FHIT: variants seen among roughly 807,000 people sequenced by gnomAD.
FHIT encodes the protein fragile histidine triad diadenosine triphosphatase, also known as bis(5'-adenosyl)-triphosphatase.
In FHIT, 19 loss-of-function variants were observed where a neutral mutation model predicts 17.9. The observed-to-expected ratio is 1.06, with a 90% CI of 0.74 to 1.56. The LOEUF (loss-of-function observed/expected upper bound fraction) is 1.56. FHIT is among the 40% of genes most tolerant of loss of function. The probability of loss-of-function intolerance (pLI) is 0.00; values close to 1 mark genes in which losing one functional copy is unlikely to be tolerated. For synonymous variants in FHIT, 81 were observed against 69.7 expected (o/e 1.16, Z -0.81); for missense variants, 248 against 189.2 (o/e 1.31, Z -1.82).
intron 8 of FHIT, among the ~76,000 whole-genome samples, chr3:59,786,441 C>A (rs999195190): frequency 2.6e-5 from 4 of 152,170 alleles, no homozygotes; most frequent in African/African-American, 9.7e-5. Context: ...TGGATCATAA[C>A]AATTCCTTTT....
chr3:59,913,060 G>C (rs1704959156), intron 8 of FHIT, among the ~76,000 whole-genome samples: 1 of 152,214 alleles, frequency 6.6e-6, no homozygotes, highest in Non-Finnish European at 1.5e-5. Context: ...AAAGTACCTA[G>C]ATGGGGACTA....
chr3:61,139,985 GAT>G (rs2037030328), intron 2 of FHIT, among the ~76,000 whole-genome samples: 1 of 143,972 alleles, frequency 6.9e-6, no homozygotes. Flanking sequence ...CATCTATGAG[GAT>G]AACGACTTTT....
chr3:60,712,703 G>A (rs2041570891), intron 4 of FHIT, among the ~76,000 whole-genome samples: 1 of 150,436 alleles, frequency 6.6e-6, no homozygotes, highest in African/African-American at 2.4e-5. Context: ...ATGGTAAAGG[G>A]ATCAATTCAA....
intron 3 of FHIT, among the ~76,000 whole-genome samples, chr3:60,832,847 A>G (rs1044136285): frequency 4.6e-5 from 7 of 152,226 alleles, no homozygotes; most frequent in Non-Finnish European, 7.3e-5. Flanking sequence ...ATAAAAGTTA[A>G]TAAGAGATTT....
At chr3:61,190,021 T>C (rs542080953) in intron 2 of FHIT, among the ~76,000 whole-genome samples, 2 of 152,182 alleles carry the variant, frequency 1.3e-5, no homozygotes, top group African/African-American at 2.4e-5. Context: ...GACATAGGCA[T>C]GGGCAAGGAC....
intron 4 of FHIT, among the ~76,000 whole-genome samples, chr3:60,777,470 C>G (rs1553724761): frequency 6.6e-6 from 1 of 152,094 alleles, no homozygotes; most frequent in Non-Finnish European, 1.5e-5. Flanking sequence ...TTGTGGAGAC[C>G]AAATTTTATT....
At chr3:59,965,129 C>A (rs1295174348) in intron 7 of FHIT, among the ~76,000 whole-genome samples, 1 of 152,002 alleles carries the variant, frequency 6.6e-6, no homozygotes, top group African/African-American at 2.4e-5. Context: ...AGAGAGTTAG[C>A]AAAACAATGG....
intron 5 of FHIT, among the ~76,000 whole-genome samples, chr3:60,445,858 G>A (rs1416710362): frequency 6.6e-6 from 1 of 151,566 alleles, no homozygotes; most frequent in East Asian, 1.9e-4. Context: ...ATCTTCCTAT[G>A]CAGAGAGAAA....
In FHIT at chr3:60,158,829, C is replaced by T. The variant is rs541726517; in HGVS notation, c.104-144677G>A. On this transcript the variant is annotated intron_variant, in intron 5 of 9. Coordinates refer to ENST00000492590, the MANE Select transcript of FHIT (RefSeq NM_002012.4). ...ACCCTATGCAGAATGAATCTCCCTC[C>T]CTTCCTTAGACTCTCCCCCAAATCA... Among the ~76,000 whole-genome samples, 5 of 152,202 alleles carry T rather than the reference C, an allele frequency of 3.3e-5. No individual in the cohort carries two copies. In the East Asian group the frequency reaches 7.7e-4, roughly 24 times the overall value.
rs189972113 is a variant in FHIT at position 60,514,543 on chromosome 3, G to A, written c.103+22317C>T. Among the ~76,000 whole-genome samples, 37 of 152,292 alleles carry A rather than the reference G, an allele frequency of 2.4e-4. 1 individual carries two copies. In the East Asian group the frequency reaches 6.8e-3, roughly 28 times the overall value. ...AGGTTAAATAGCTAATGCATGCAGG[G>A]CTTAACACCAGGTGACGGGTTGGTA... On this transcript the variant is annotated intron_variant, in intron 5 of 9. Transcript: ENST00000492590.
intron 4 of FHIT, among the ~76,000 whole-genome samples, chr3:60,651,821 T>C (rs1553688339): frequency 1.4e-4 from 21 of 152,168 alleles, no homozygotes. Flanking sequence ...ATGTGGCATA[T>C]AAAAATCACA....
intron 5 of FHIT, among the ~76,000 whole-genome samples, chr3:60,271,647 T>A (rs766103998): frequency 6.6e-6 from 1 of 152,202 alleles, no homozygotes; most frequent in East Asian, 1.9e-4. Flanking sequence ...GTATGGCACA[T>A]CTGCTTTCCA....
chr3:60,496,847 A>C (rs939827120), intron 5 of FHIT, among the ~76,000 whole-genome samples: 4 of 152,210 alleles, frequency 2.6e-5, no homozygotes, highest in Non-Finnish European at 5.9e-5. Flanking sequence ...CTCAAAAACA[A>C]TGCCGAGTAA....
chr3:61,198,906 ATGATG>A (rs2038933913), intron 2 of FHIT, among the ~76,000 whole-genome samples: 3 of 109,190 alleles, frequency 2.7e-5, no homozygotes, highest in South Asian at 4.6e-4. Context: ...GATGATGATG[ATGATG>A]ATGATGATGA....
At chr3:60,036,884 T>G (rs1701239872) in intron 5 of FHIT, among the ~76,000 whole-genome samples, 2 of 152,228 alleles carry the variant, frequency 1.3e-5, no homozygotes, top group Admixed American at 1.3e-4. Context: ...GCTTCTAAGC[T>G]GTTTAATACA....
chr3:61,209,256 A>C (rs545792244), intron 1 of FHIT, among the ~76,000 whole-genome samples: 128 of 152,122 alleles, frequency 8.4e-4, no homozygotes, highest in African/African-American at 2.8e-3. Flanking sequence ...AAAATTTTTT[A>C]CTTCATTTCA....
At chr3:60,531,051 A>C (rs956378822) in intron 5 of FHIT, among the ~76,000 whole-genome samples, 22 of 152,214 alleles carry the variant, frequency 1.4e-4, no homozygotes, top group African/African-American at 5.1e-4. Flanking sequence ...AAATGTGACC[A>C]CAAGAAAACC....
chr3:60,194,892 G>A (rs942745134), intron 5 of FHIT, among the ~76,000 whole-genome samples: 1 of 152,094 alleles, frequency 6.6e-6, no homozygotes, highest in Admixed American at 6.6e-5. Context: ...AGGGCTGGGT[G>A]CGGTGGCTCA....
At chr3:60,232,656 G>C (rs1704556743) in intron 5 of FHIT, among the ~76,000 whole-genome samples, 1 of 152,082 alleles carries the variant, frequency 6.6e-6, no homozygotes, top group Admixed American at 6.5e-5. Flanking sequence ...AGTCAGTTCT[G>C]CCTCCAGGCA....
Sources: allele counts gnomAD v4.1 joint callset (sites outside exome capture counted in the v4.1 genomes callset), GRCh38; gene constraint gnomAD v4.1.1; transcripts MANE v1.5; gene names NCBI Gene and HGNC (gene_info 2026-07-23, HGNC 2026-07-21).